GALNT13: variants seen among roughly 807,000 people sequenced by gnomAD.
GALNT13 encodes the protein UDP-GalNAc:polypeptide N-acetylgalactosaminyltransferase 13.
GALNT13 carries 28 observed loss-of-function variants against 64.2 expected under a neutral mutation model. The ratio of observed to expected loss-of-function variants is 0.44; its 90% CI spans 0.32 to 0.60. The LOEUF is 0.60. Among genes scored for constraint, GALNT13 ranks in the 20% least tolerant of loss-of-function variants. The pLI is 0.05. For synonymous variants in GALNT13, 214 were observed against 224.6 expected, an observed-to-expected ratio of 0.95 and a Z score of 0.42; for missense variants, 577 against 669.8, an observed-to-expected ratio of 0.86 and a Z score of 1.53.
At chr2:153,578,179 AG>A in the GALNT13 span, among the ~76,000 whole-genome samples, 1 of 152,142 alleles carries the variant, frequency 6.6e-6, no homozygotes, top group Admixed American at 6.6e-5. Flanking sequence ...TCAGTGCTTT[AG>A]GGTAAACTTC....
the GALNT13 span, among the ~76,000 whole-genome samples, chr2:153,769,517 CT>C: frequency 3.3e-5 from 5 of 152,116 alleles, no homozygotes; most frequent in South Asian, 2.1e-4. Flanking sequence ...GCATTTTTTC[CT>C]TCCTGTTGAC....
chr2:153,659,782 G>A, the GALNT13 span, among the ~76,000 whole-genome samples: 5 of 152,096 alleles, frequency 3.3e-5, no homozygotes, highest in African/African-American at 1.2e-4. Flanking sequence ...TCCACAAGGA[G>A]CAGTAAATAA....
the GALNT13 span, among the ~76,000 whole-genome samples, chr2:153,238,854 G>T: frequency 8.9e-4 from 135 of 152,168 alleles, no homozygotes; most frequent in African/African-American, 3.1e-3. Context: ...TAAATGTTAA[G>T]ATTGCTTTTT....
At chr2:153,256,742 G>A in the GALNT13 span, among the ~76,000 whole-genome samples, 2 of 152,148 alleles carry the variant, frequency 1.3e-5, no homozygotes, top group Admixed American at 6.5e-5. Context: ...CTGCTGGGGG[G>A]TGCCTCCCAG....
intron 3 of GALNT13, among the ~76,000 whole-genome samples, chr2:154,031,009 A>G (rs1240228785): frequency 6.6e-6 from 1 of 152,196 alleles, no homozygotes. Context: ...AGGTAAAAAT[A>G]AAACATGTTT....
At chr2:153,467,604 C>T in the GALNT13 span, among the ~76,000 whole-genome samples, 1 of 152,064 alleles carries the variant, frequency 6.6e-6, no homozygotes, top group Non-Finnish European at 1.5e-5. Flanking sequence ...CCTCCATTTT[C>T]TTTTTCATGG....
At chr2:153,581,160 C>T in the GALNT13 span, among the ~76,000 whole-genome samples, 2 of 152,144 alleles carry the variant, frequency 1.3e-5, no homozygotes, top group African/African-American at 4.8e-5. Context: ...TTGAGTTGCC[C>T]TGTAAGTGAT....
the GALNT13 span, among the ~76,000 whole-genome samples, chr2:153,531,141 G>A: frequency 5.3e-5 from 8 of 152,276 alleles, no homozygotes; most frequent in South Asian, 1.4e-3. Flanking sequence ...CTACCCATCT[G>A]TATCAGTTCA....
intron 11 of GALNT13, among the ~76,000 whole-genome samples, chr2:154,430,464 C>G (rs1454402723): frequency 6.6e-6 from 1 of 152,138 alleles, no homozygotes; most frequent in Non-Finnish European, 1.5e-5. Context: ...TCTGCACTCT[C>G]AAGCTAAAAC....
rs548087616 is a variant in GALNT13, at chr2:154,374,682, C to G, written c.1157-21309C>G. On this transcript the variant is annotated intron_variant, in intron 9 of 12. Transcript: ENST00000392825. Reference sequence around the variant, plus strand: ...CTTGTAAACACATGGAAACATGATTCAACTGCCCCTTTTGCAGTCAAAGAA... The same window carrying G: ...CTTGTAAACACATGGAAACATGATTGAACTGCCCCTTTTGCAGTCAAAGAA... Among the ~76,000 whole-genome samples the G allele has an allele frequency of 2.6e-5, 4 of 152,260 alleles. No homozygotes were observed. In the South Asian group the frequency reaches 8.3e-4, roughly 32 times the overall value.
intron 3 of GALNT13, among the ~76,000 whole-genome samples, chr2:154,115,869 A>T (rs759109440): frequency 2.2e-4 from 34 of 152,112 alleles, no homozygotes; most frequent in Non-Finnish European, 4.6e-4. Flanking sequence ...CATGCTTGTT[A>T]TCCAGATTTC....
chr2:153,160,763 T>C, the GALNT13 span, among the ~76,000 whole-genome samples: 2 of 152,184 alleles, frequency 1.3e-5, no homozygotes, highest in Non-Finnish European at 2.9e-5. Context: ...TTATAAGTAA[T>C]ATAGATCCCC....
At chr2:154,149,908 A>G (rs1461978057) in intron 4 of GALNT13, among the ~76,000 whole-genome samples, 1 of 152,164 alleles carries the variant, frequency 6.6e-6, no homozygotes, top group African/African-American at 2.4e-5. Flanking sequence ...TCCTAATTGA[A>G]TACCCTTTAT....
At chr2:153,208,973 C>CTTTTTTTGTTTTTTTTTTTTT in the GALNT13 span, among the ~76,000 whole-genome samples, 1 of 74,684 alleles carries the variant, frequency 1.3e-5, no homozygotes, top group African/African-American at 5.8e-5. Flanking sequence ...TGGTTTTGGT[C>CTTTTTTTGTTTTTTTTTTTTT]TTTTTTTTTT....
At chr2:153,253,977 C>T in the GALNT13 span, among the ~76,000 whole-genome samples, 2 of 152,134 alleles carry the variant, frequency 1.3e-5, no homozygotes, top group African/African-American at 4.8e-5. Context: ...ATGATGCTGG[C>T]CTCATAAAAT....
intron 4 of GALNT13, among the ~76,000 whole-genome samples, chr2:154,152,533 C>G (rs1684108560): frequency 6.6e-6 from 1 of 152,172 alleles, no homozygotes; most frequent in Non-Finnish European, 1.5e-5. Context: ...TGTTTTCCAA[C>G]TTGGTTCCAT....
At chr2:153,345,663 C>A in the GALNT13 span, among the ~76,000 whole-genome samples, 2 of 138,772 alleles carry the variant, frequency 1.4e-5, no homozygotes, top group South Asian at 4.8e-4. Flanking sequence ...TTCTTTCTTT[C>A]TTTCTTTCTT....
At chr2:153,362,304 G>A in the GALNT13 span, among the ~76,000 whole-genome samples, 4 of 152,078 alleles carry the variant, frequency 2.6e-5, no homozygotes, top group East Asian at 1.9e-4. Context: ...ATGACACTAC[G>A]AAGAAACTGC....
chr2:153,968,187 CAA>C (rs1693502094), intron 3 of GALNT13, among the ~76,000 whole-genome samples: 1 of 152,126 alleles, frequency 6.6e-6, no homozygotes, highest in South Asian at 2.1e-4. Context: ...GGTTGCCACT[CAA>C]AGTTATTTGG....
Sources: allele counts gnomAD v4.1 joint callset (sites outside exome capture counted in the v4.1 genomes callset), GRCh38; gene constraint gnomAD v4.1.1; transcripts MANE v1.5; gene names NCBI Gene and HGNC (gene_info 2026-07-23, HGNC 2026-07-21).